The following ACOT1 variants were observed in gnomAD, a reference collection of about 807,000 sequenced individuals.
ACOT1 encodes acyl-coenzyme A thioesterase 1.
ACOT1 carries 8 observed loss-of-function variants against 15.7 expected under a neutral mutation model. That is an observed-to-expected ratio of 0.51 (90% CI 0.30 to 0.92). ACOT1 has a LOEUF of 0.92. Among genes scored for constraint, ACOT1 ranks in the 40% least tolerant of loss-of-function variants. ACOT1 has a pLI of 0.06. For synonymous variants in ACOT1, 67 were observed against 241.2 expected (o/e 0.28, Z 6.69); for missense variants, 151 against 539.4 (o/e 0.28, Z 7.13).
chr14:73,502,901 A>T, the ACOT1 span: 4 of 1,611,178 alleles, frequency 2.5e-6, no homozygotes, highest in South Asian at 4.4e-5. Context: ...TTACCTGATT[A>T]TGTCGTGCAC....
At chr14:73,519,186 T>A in the ACOT1 span, 2 of 1,605,414 alleles carry the variant, frequency 1.2e-6, no homozygotes, top group Non-Finnish European at 1.7e-6. Flanking sequence ...AAAGAAACAA[T>A]GAGTCCCCTA....
chr14:73,528,324 G>A, the ACOT1 span, among the ~76,000 whole-genome samples: 25 of 148,446 alleles, frequency 1.7e-4, no homozygotes, highest in Admixed American at 1.5e-3. Context: ...GCTGGGAGGC[G>A]GAGGTTGCAG....
chr14:73,491,390 G>T, the ACOT1 span: 8 of 1,348,428 alleles, frequency 5.9e-6, no homozygotes, highest in South Asian at 1.6e-4. Context: ...CCTGGTGCCC[G>T]CTTCCGCGCC....
At chr14:73,521,090 TC>T in the ACOT1 span, 9 of 1,473,592 alleles carry the variant, frequency 6.1e-6, no homozygotes, top group African/African-American at 9.8e-5. Context: ...AGGAGGTGGA[TC>T]CCCCTTTCCA....
At chr14:73,535,881 G>A (rs1270325310), upstream of ACOT1, among the ~76,000 whole-genome samples, 1 of 116,158 alleles carries the variant, frequency 8.6e-6, no homozygotes, top group Non-Finnish European at 1.9e-5. Flanking sequence ...GATTATAGGC[G>A]TGAGCCACCT....
chr14:73,523,219 T>C, the ACOT1 span: 1 of 1,446,822 alleles, frequency 6.9e-7, no homozygotes, highest in Non-Finnish European at 9.2e-7. Context: ...AGATGAGACC[T>C]GGCACCTGTT....
At chr14:73,505,427 C>T in the ACOT1 span, among the ~76,000 whole-genome samples, 1 of 151,468 alleles carries the variant, frequency 6.6e-6, no homozygotes, top group Non-Finnish European at 1.5e-5. Flanking sequence ...GACAGAGTCT[C>T]GCACTGTCGC....
chr14:73,542,407 T>C (rs1352727209), intron 2 of ACOT1, among the ~76,000 whole-genome samples: 5 of 103,860 alleles, frequency 4.8e-5, no homozygotes, highest in Non-Finnish European at 4.0e-5. Context: ...TTCTTTCTTT[T>C]TTTTTTTTTT....
the ACOT1 span, chr14:73,498,300 G>A: frequency 6.2e-7 from 1 of 1,612,202 alleles, no homozygotes; most frequent in South Asian, 1.1e-5. Flanking sequence ...GCCCAGAGCA[G>A]AAGATCCGTC....
chr14:73,502,878 T>G, the ACOT1 span: 3 of 1,582,622 alleles, frequency 1.9e-6, no homozygotes. Flanking sequence ...TGTCTCCTCA[T>G]GTTGACTGGG....
At chr14:73,532,619 G>A (rs1566847381), upstream of ACOT1, among the ~76,000 whole-genome samples, 2 of 115,230 alleles carry the variant, frequency 1.7e-5, 1 homozygote, top group Non-Finnish European at 3.8e-5. Context: ...TCAGATGGTT[G>A]GACCACCATA....
chr14:73,536,516 TAAAAAAAAA>T (rs543491523), upstream of ACOT1, among the ~76,000 whole-genome samples: 2 of 59,348 alleles, frequency 3.4e-5, 1 homozygote, highest in African/African-American at 1.2e-4. Context: ...CCTGTCTCTT[TAAAAAAAAA>T]AAAAAAAAAA....
chr14:73,535,482 T>C (rs1202547226), upstream of ACOT1, among the ~76,000 whole-genome samples: 1,361 of 46,558 alleles, frequency 0.029, 288 homozygotes, highest in African/African-American at 0.14. Context: ...TTTTTTTTTT[T>C]TTTTTTTTTT....
chr14:73,518,490 C>G, the ACOT1 span, among the ~76,000 whole-genome samples: 1 of 152,000 alleles, frequency 6.6e-6, no homozygotes, highest in Non-Finnish European at 1.5e-5. Context: ...AGTAATCCTA[C>G]AAAGAGTCAT....
At chr14:73,520,555 T>C in the ACOT1 span, 1 of 277,684 alleles carries the variant, frequency 3.6e-6, no homozygotes, top group Non-Finnish European at 6.7e-6. Flanking sequence ...GAAGGGTAGA[T>C]AGAGAAGAGA....
the ACOT1 span, among the ~76,000 whole-genome samples, chr14:73,527,921 A>G: frequency 7.3e-6 from 1 of 136,096 alleles, no homozygotes; most frequent in African/African-American, 2.8e-5. Context: ...AGAGGTTGCC[A>G]CCGTACTCCA....
At chr14:73,506,635 G>A in the ACOT1 span, 8 of 1,261,418 alleles carry the variant, frequency 6.3e-6, no homozygotes, top group Admixed American at 8.6e-5. Flanking sequence ...GAACCTTGAA[G>A]TTACATTCTG....
chr14:73,537,808 C>G lies in ACOT1; in HGVS notation c.387C>G (p.Phe129Leu). The G allele has an allele frequency of 8.2e-7, 1 of 1,217,396 alleles. No homozygotes were observed. Among genetic ancestry groups the G allele is most frequent in the Non-Finnish European group, 1.1e-6 (1 of 926,640 alleles). The allele number at this position is 1,217,396 out of a possible 1,614,324, so 75.4% of individuals were successfully genotyped here. A position where few individuals can be genotyped will look rare whatever the true frequency, so the allele number is the denominator to read the frequency against. ...GCCGGGTGCGGCACGAGCGCTACTTCCTCCCGCCCGGGGTGCGGCGCGAGC... is the reference window on the plus strand; with the variant it reads ...GCCGGGTGCGGCACGAGCGCTACTTGCTCCCGCCCGGGGTGCGGCGCGAGC... ...LLCRVRHERY[F>L]LPPGVRREPV... is the part of the protein sequence containing the mutation. Residue 129 changes from phenylalanine to leucine, a missense_variant, in exon 1 of 3, where the codon TTC becomes TTG. Physicochemically the swap from Phe to Leu is conservative, Grantham distance 22. Transcript: ENST00000311148.
chr14:73,509,809 CCCATATATATAT>C, the ACOT1 span, among the ~76,000 whole-genome samples: 12 of 5,190 alleles, frequency 2.3e-3, no homozygotes, highest in Non-Finnish European at 2.9e-3. Context: ...GCCCCATGAG[CCCATATATATAT>C]ATATATATAT....
Sources: allele counts gnomAD v4.1 joint callset (sites outside exome capture counted in the v4.1 genomes callset), GRCh38; gene constraint gnomAD v4.1.1; transcripts MANE v1.5; gene names NCBI Gene and HGNC (gene_info 2026-07-23, HGNC 2026-07-21).